The following TRIOBP variants were observed in gnomAD, a reference collection of about 807,000 sequenced individuals.
TRIOBP encodes the protein TRIO and F-actin binding protein, also known as TRIO and F-actin-binding protein.
A neutral mutation model predicts 238.8 loss-of-function variants in TRIOBP; 169 were observed. That is an observed-to-expected ratio of 0.71 (90% confidence interval 0.62 to 0.80). The LOEUF (loss-of-function observed/expected upper bound fraction) is 0.80. TRIOBP is among the 30% of genes least tolerant of loss of function. TRIOBP has a pLI of 0.00. For missense variants in TRIOBP, 2,838 were observed against 3,122.6 expected, an observed-to-expected ratio of 0.91 and a Z score of 2.17; for synonymous variants, 1,150 against 1,274.4, an observed-to-expected ratio of 0.90 and a Z score of 2.08.
At chr22:37,721,833 A>T (rs1318439102) in intron 6 of TRIOBP, among the ~76,000 whole-genome samples, 2 of 152,202 alleles carry the variant, frequency 1.3e-5, no homozygotes, top group Admixed American at 6.5e-5. Context: ...CACCTAAAGC[A>T]GTAGCCAAGG....
At chr22:37,704,054 T>C (rs1333559305) in intron 3 of TRIOBP, among the ~76,000 whole-genome samples, 1 of 152,012 alleles carries the variant, frequency 6.6e-6, no homozygotes, top group Non-Finnish European at 1.5e-5. Flanking sequence ...GTGCTTAAAA[T>C]GTGCCAGGCA....
At position 37,713,298 on chromosome 22, in the gene TRIOBP, C is replaced by A; in HGVS notation, c.343C>A (p.Leu115Met). The A allele has an allele frequency of 6.2e-7, 1 of 1,614,034 alleles. No individual in the cohort carries two copies. The highest frequency in any genetic ancestry group is 8.5e-7 in the Non-Finnish European group (1 of 1,179,912). Reference sequence around the variant, plus strand: ...CCGGGAGCTTGAGGCAGTACCCTATCTGGAGGGCCTGACCACTTCCTTGTG... The same window carrying A: ...CCGGGAGCTTGAGGCAGTACCCTATATGGAGGGCCTGACCACTTCCTTGTG... ...RSRELEAVPY[L>M]EGLTTSLCGS... The change falls in exon 5 of 24, where the codon CTG becomes ATG. Residue 115 changes from leucine to methionine, a missense_variant. Coordinates refer to ENST00000644935, the MANE Select transcript of TRIOBP (RefSeq NM_001039141.3).
In TRIOBP at chr22:37,764,499, A is replaced by T. The variant is rs117571934; in HGVS notation, c.6325-1171A>T. Among the ~76,000 whole-genome samples, 149 of 152,286 alleles carry T rather than the reference A, an allele frequency of 9.8e-4. 3 individuals carry two copies. In the East Asian group the frequency reaches 0.027, roughly 28 times the overall value. On this transcript the variant is annotated intron_variant, in intron 17 of 23. Coordinates refer to ENST00000644935, the MANE Select transcript of TRIOBP (RefSeq NM_001039141.3). The stretch of plus-strand genomic sequence containing the variant: ...CATCATTTATTCAAGAGTTCCCCTG[A>T]TAGGGATTTAGATTGTTTCCAGTTT...
At chr22:37,720,983 G>A (rs1313081229) in intron 6 of TRIOBP, among the ~76,000 whole-genome samples, 1 of 151,284 alleles carries the variant, frequency 6.6e-6, no homozygotes, top group African/African-American at 2.4e-5. Flanking sequence ...TCTGCCTCCC[G>A]AGTAGCTGGG....
chr22:37,734,680 C>G lies in TRIOBP; in HGVS notation c.4344C>G (p.Ser1448Arg), dbSNP rs1461606460. Residue 1448 changes from serine (S) to arginine (R), a missense_variant, in exon 9 of 24, where the codon AGC (serine) becomes AGG (arginine). Ser to Arg is a moderately radical substitution (Grantham distance 110). Around this residue, in one of 5 missense-constraint regions of TRIOBP, gnomAD observed 2,096 missense variants for 2,137.4 expected, o/e 0.98. Transcript: ENST00000644935. The stretch of plus-strand genomic sequence containing the variant: ...ATAGACACCTAGAAAGGAGCTGGAG[C>G]AGCCAGGAGGGAGGCCTGGGCCCTG... ...GPHRHLERSW[S>R]SQEGGLGPGG... is the part of the protein sequence containing the mutation. 2.5e-6 allele frequency: 4 copies of G among 1,603,386 alleles called. No homozygotes were observed. Among genetic ancestry groups the G allele is most frequent in the Non-Finnish European group, 3.4e-6 (4 of 1,175,496 alleles).
intron 14 of TRIOBP, 161 bp downstream of exon 14, chr22:37,755,351 A>G (rs1424314839): frequency 1.1e-6 from 1 of 931,086 alleles, no homozygotes; most frequent in African/African-American, 1.6e-5. Context: ...GCCAACACTT[A>G]GCATATCTGG....
At chr22:37,748,277 A>C (rs1361395358) in intron 11 of TRIOBP, among the ~76,000 whole-genome samples, 2 of 152,110 alleles carry the variant, frequency 1.3e-5, no homozygotes, top group African/African-American at 4.8e-5. Flanking sequence ...CTCCTCCTGT[A>C]CCCACCTCAC....
chr22:37,754,317 A>T (rs1569055853), intron 12 of TRIOBP, among the ~76,000 whole-genome samples: 2 of 151,450 alleles, frequency 1.3e-5, no homozygotes, highest in South Asian at 4.2e-4. Context: ...AGGCTAAGAC[A>T]GGAGAATCAC....
intron 2 of TRIOBP, among the ~76,000 whole-genome samples, chr22:37,700,645 G>A (rs1335941416): frequency 6.6e-6 from 1 of 151,848 alleles, no homozygotes; most frequent in South Asian, 2.1e-4. Flanking sequence ...TGAACTCTTG[G>A]GCTCAAATGA....
At chr22:37,704,629 T>TAAAG (rs1223151327) in intron 3 of TRIOBP, among the ~76,000 whole-genome samples, 4 of 149,860 alleles carry the variant, frequency 2.7e-5, no homozygotes, top group Non-Finnish European at 5.9e-5. Context: ...GGCATGAAGG[T>TAAAG]AAAGGATAGG....
intron 11 of TRIOBP, among the ~76,000 whole-genome samples, chr22:37,743,795 G>C (rs910858882): frequency 1.5e-5 from 2 of 137,406 alleles, no homozygotes; most frequent in Non-Finnish European, 3.1e-5. Flanking sequence ...GAGAAAGAGA[G>C]AGAGAATGTG....
chr22:37,720,490 T>G (rs1923767590), intron 6 of TRIOBP, among the ~76,000 whole-genome samples: 1 of 152,090 alleles, frequency 6.6e-6, no homozygotes, highest in African/African-American at 2.4e-5. Context: ...TCTTCCAGTT[T>G]CCCCTGAAGG....
chr22:37,699,003 T>A (rs901139304), intron 2 of TRIOBP, among the ~76,000 whole-genome samples: 1 of 152,104 alleles, frequency 6.6e-6, no homozygotes, highest in Non-Finnish European at 1.5e-5. Flanking sequence ...TAGCCAGGCA[T>A]GACGGTGCAT....
intron 23 of TRIOBP, among the ~76,000 whole-genome samples, chr22:37,773,223 G>GGTTT (rs1431775400): frequency 1.4e-5 from 2 of 146,170 alleles, no homozygotes; most frequent in Non-Finnish European, 3.0e-5. Context: ...TTGGTTGGTT[G>GGTTT]GTTTTGGTTG....
At chr22:37,702,626 C>CTT in intron 3 of TRIOBP, among the ~76,000 whole-genome samples, 4 of 141,810 alleles carry the variant, frequency 2.8e-5, no homozygotes, top group African/African-American at 1.1e-4. Context: ...GATTTTCTTT[C>CTT]TCTCTCTCTT....
At chr22:37,719,343 G>A (rs1923702300) in intron 6 of TRIOBP, among the ~76,000 whole-genome samples, 1 of 152,016 alleles carries the variant, frequency 6.6e-6, no homozygotes, top group Admixed American at 6.6e-5. Flanking sequence ...TCCTGGCCTG[G>A]GTGTCTGGGT....
chr22:37,768,638 A>G (rs1444653753), intron 19 of TRIOBP, among the ~76,000 whole-genome samples: 1 of 152,118 alleles, frequency 6.6e-6, no homozygotes, highest in Non-Finnish European at 1.5e-5. Flanking sequence ...CCCCATCTCT[A>G]CTAAAAATAC....
At chr22:37,740,711 G>A (rs1056018386) in intron 10 of TRIOBP, among the ~76,000 whole-genome samples, 184 bp from the exon 11 acceptor site, 4 of 152,342 alleles carry the variant, frequency 2.6e-5, no homozygotes, top group Non-Finnish European at 5.9e-5. Flanking sequence ...AGCCTTGTCA[G>A]TCCAACACGA....
At position 37,733,328 on chromosome 22, in the gene TRIOBP, C is replaced by G; in HGVS notation, c.3978C>G (p.Ala1326=). ...CCGAGGCAGCGGGGGCCTTCCAGGCCCAGGACGAGGGACGGTCACAGCAGC... is the reference window on the plus strand; with the variant it reads ...CCGAGGCAGCGGGGGCCTTCCAGGCGCAGGACGAGGGACGGTCACAGCAGC... ...RKSEAAGAFQ[A]QDEGRSQQPS... Residue 1326 remains alanine (A), a synonymous_variant, in exon 8 of 24, where the codon GCC becomes GCG. Transcript: ENST00000644935. 2 of 1,551,290 alleles carry G rather than the reference C, an allele frequency of 1.3e-6. No individual in the cohort carries two copies. Among genetic ancestry groups the G allele is most frequent in the Non-Finnish European group, 1.7e-6 (2 of 1,147,326 alleles).
Sources: allele counts gnomAD v4.1 joint callset (sites outside exome capture counted in the v4.1 genomes callset), GRCh38; gene constraint gnomAD v4.1.1; regional missense constraint gnomAD v4.1.1; transcripts MANE v1.5; gene names NCBI Gene and HGNC (gene_info 2026-07-23, HGNC 2026-07-21).